ARHGEF40: variants seen among roughly 807,000 people sequenced by gnomAD.
ARHGEF40 encodes the protein Rho guanine nucleotide exchange factor (GEF) 40.
A neutral mutation model predicts 165.9 loss-of-function variants in ARHGEF40; 98 were observed. The observed-to-expected ratio is 0.59, with a 90% CI of 0.50 to 0.70. The LOEUF (loss-of-function observed/expected upper bound fraction) is 0.70, where lower values mean the gene tolerates loss of function less well. Ranked by LOEUF, ARHGEF40 falls within the 30% of genes least tolerant of loss-of-function variation. ARHGEF40 has a pLI of 0.00. For synonymous variants in ARHGEF40, 792 were observed against 814.3 expected, an observed-to-expected ratio of 0.97 and a Z score of 0.47; for missense variants, 1,815 against 1,968.0, an observed-to-expected ratio of 0.92 and a Z score of 1.47.
chr14:21,080,289 G>T lies in ARHGEF40; in HGVS notation c.2374-371G>T, dbSNP rs3827913. Among the ~76,000 whole-genome samples, 27 of 150,740 alleles carry T rather than the reference G, an allele frequency of 1.8e-4. 1 individual carries two copies. The highest frequency in any genetic ancestry group is 4.6e-4 in the Admixed American group (7 of 15,192). On this transcript the variant is annotated intron_variant, in intron 11 of 23. Transcript: ENST00000298694. The stretch of plus-strand genomic sequence containing the variant: ...TTCTCCAGGCTTGGTCCCTGGGACC[G>T]TTTCTCACCAGTTGCCAAGGCTTGG...
chr14:21,070,413 C>A lies in ARHGEF40; in HGVS notation c.3+14C>A. 7.1e-7 allele frequency: 1 copy of A among 1,416,384 alleles called. No individual in the cohort carries two copies. The highest frequency in any genetic ancestry group is 9.1e-7 in the Non-Finnish European group (1 of 1,094,228). The allele number at this position is 1,416,384 out of a possible 1,614,324, so 87.7% of individuals were successfully genotyped here. On this transcript the variant is annotated intron_variant, in intron 1 of 23. Transcript: ENST00000298694. This position sits in a 1 kb window ranked among gnomAD's most constrained non-coding sequence, Gnocchi z 4.7. ...CGCCGAGCCATGGTGAGTCCAGCGT[C>A]GCAGCCCCCTGGGTCCCCTCGGCCT... is the stretch of plus-strand genomic sequence containing the variant.
In ARHGEF40 at chr14:21,074,914, G is replaced by A. The variant is rs780284964; in HGVS notation, c.1184G>A (p.Gly395Glu). The change falls in exon 3 of 24, where the codon GGG becomes GAG. Residue 395 changes from glycine to glutamate, a missense_variant. Transcript: ENST00000298694. The surrounding 1 kb of genome is among the most constrained non-coding windows in gnomAD (Gnocchi z 4.8). Reference protein sequence around the residue: ...AAGRGALSRGGDSAPLSPGDK... With the variant: ...AAGRGALSRGEDSAPLSPGDK... Reference sequence around the variant, plus strand: ...GGTCGAGGGGCTCTTAGCCGAGGAGGGGACAGTGCCCCACTGAGCCCTGGG... The same window carrying A: ...GGTCGAGGGGCTCTTAGCCGAGGAGAGGACAGTGCCCCACTGAGCCCTGGG... 4 of 1,608,080 alleles carry A rather than the reference G, an allele frequency of 2.5e-6. No homozygotes were observed. The highest frequency in any genetic ancestry group is 2.5e-6 in the Non-Finnish European group (3 of 1,177,730).
chr14:21,070,933 G>A lies in ARHGEF40; in HGVS notation c.3+534G>A. On this transcript the variant is annotated intron_variant, in intron 1 of 23. Transcript: ENST00000298694. The surrounding 1 kb of genome is among the most constrained non-coding windows in gnomAD (Gnocchi z 4.7). ...CAGCTGTGGCTGGGCCGGGTCCCGG[G>A]GCATGGCCAAAGAGGGAAATTCCCG... 1 of 1,415,128 alleles carries A rather than the reference G, an allele frequency of 7.1e-7. No individual in the cohort carries two copies. 87.7% of individuals were successfully genotyped at this position (1,415,128 alleles called of 1,614,324 possible).
chr14:21,078,129 C>A, intron 8 of ARHGEF40, 48 bp from the exon 9 acceptor site: 6 of 1,546,712 alleles, frequency 3.9e-6, no homozygotes, highest in Non-Finnish European at 5.3e-6. Flanking sequence ...GGCTTAAGTT[C>A]CTTCTTAAAC....
At chr14:21,064,469 T>C in the ARHGEF40 span, among the ~76,000 whole-genome samples, 12 of 152,104 alleles carry the variant, frequency 7.9e-5, no homozygotes, top group South Asian at 6.2e-4. Context: ...ACCCAGCTAA[T>C]TTTTGTATTT....
At position 21,081,791 on chromosome 14, in the gene ARHGEF40, A is replaced by G; in HGVS notation, c.2923A>G (p.Ser975Gly). 1 of 1,599,262 alleles carries G rather than the reference A, an allele frequency of 6.3e-7. No homozygotes were observed. The highest frequency in any genetic ancestry group is 8.5e-7 in the Non-Finnish European group (1 of 1,174,118). Residue 975 changes from serine to glycine, a missense_variant, in exon 14 of 24, where the codon AGT becomes GGT. Physicochemically the swap from Ser to Gly is moderately conservative, Grantham distance 56 (BLOSUM62 0). Transcript: ENST00000298694. Reference sequence around the variant, plus strand: ...ACGACGGCGGGCAGACGGTGCCAGCAGTGGAGGGGCCCAGTGGGGGCCCCG... The same window carrying G: ...ACGACGGCGGGCAGACGGTGCCAGCGGTGGAGGGGCCCAGTGGGGGCCCCG... ...YRRRRADGASSGGAQWGPRSP... is the reference protein window; with the variant it reads ...YRRRRADGASGGGAQWGPRSP...
chr14:21,074,831 A>C lies in ARHGEF40; in HGVS notation c.1101A>C (p.Gly367=), dbSNP rs1302764621. Reference sequence around the variant, plus strand: ...GAGGAGGAGGCCAGGGGGCTGAAGGACCACCTGGTACCCCTCGGAGAACAG... The same window carrying C: ...GAGGAGGAGGCCAGGGGGCTGAAGGCCCACCTGGTACCCCTCGGAGAACAG... The part of the protein sequence containing the change: ...GGGGGGQGAE[G]PPGTPRRTGK... Residue 367 remains glycine, a synonymous_variant, in exon 3 of 24, where the codon GGA becomes GGC. Transcript: ENST00000298694. This position sits in a 1 kb window ranked among gnomAD's most constrained non-coding sequence, Gnocchi z 4.8. 5 of 1,605,940 alleles carry C rather than the reference A, an allele frequency of 3.1e-6. No individual in the cohort carries two copies. Among genetic ancestry groups the C allele is most frequent in the Non-Finnish European group, 4.2e-6 (5 of 1,176,716 alleles).
At position 21,074,727 on chromosome 14, in the gene ARHGEF40, G is replaced by A. The variant is rs1566523973; in HGVS notation, c.997G>A (p.Val333Met). ...EAVPEAAVLE[V>M]SEPPAEAVGE... ...TGTCCCAGAGGCAGCAGTCTTGGAG[G>A]TGTCTGAGCCCCCAGCAGAGGCTGT... Residue 333 changes from valine (V) to methionine (M), a missense_variant, in exon 3 of 24, where the codon GTG becomes ATG. By Grantham distance (21) the Val-to-Met change is conservative. Coordinates refer to ENST00000298694, the MANE Select transcript of ARHGEF40 (RefSeq NM_018071.5). This position sits in a 1 kb window ranked among gnomAD's most constrained non-coding sequence, Gnocchi z 4.8. The A allele has an allele frequency of 1.9e-6, 3 of 1,603,362 alleles. No homozygotes were observed. The highest frequency in any genetic ancestry group is 2.6e-6 in the Non-Finnish European group (3 of 1,175,860).
At chr14:21,071,906 A>G (rs577367332) in intron 1 of ARHGEF40, among the ~76,000 whole-genome samples, 1 of 152,324 alleles carries the variant, frequency 6.6e-6, no homozygotes, top group Admixed American at 6.5e-5. Flanking sequence ...TGGTTGCCCT[A>G]ACTTCCCAGA....
chr14:21,080,738 C>A lies in ARHGEF40; in HGVS notation c.2452C>A (p.Gln818Lys). The A allele has an allele frequency of 6.2e-7, 1 of 1,611,548 alleles. No homozygotes were observed. Among genetic ancestry groups the A allele is most frequent in the Non-Finnish European group, 8.5e-7 (1 of 1,178,680 alleles). ...AMPGDTLSAL[Q>K]ETELRFRAFS... Reference sequence around the variant, plus strand: ...GCCTGGGGACACCTTGTCTGCCCTGCAGGAGACAGAGCTGCGATTCCGTGC... The same window carrying A: ...GCCTGGGGACACCTTGTCTGCCCTGAAGGAGACAGAGCTGCGATTCCGTGC... Residue 818 changes from glutamine to lysine, a missense_variant, in exon 12 of 24, where the codon CAG becomes AAG. Gln to Lys is a moderately conservative substitution (Grantham distance 53). Coordinates refer to ENST00000298694, the MANE Select transcript of ARHGEF40 (RefSeq NM_018071.5).
chr14:21,076,963 G>A, intron 8 of ARHGEF40, 73 bp downstream of exon 8: 4 of 1,331,406 alleles, frequency 3.0e-6, no homozygotes, highest in Non-Finnish European at 4.3e-6. Context: ...TAGGAGAGAG[G>A]CCATGTCCAG....
At chr14:21,064,029 C>T in the ARHGEF40 span, among the ~76,000 whole-genome samples, 1 of 152,170 alleles carries the variant, frequency 6.6e-6, no homozygotes. Flanking sequence ...CACAATCAAC[C>T]TTTTTAATAT....
At position 21,070,864 on chromosome 14, in the gene ARHGEF40, C is replaced by T. The variant is rs529956571; in HGVS notation, c.3+465C>T. ...CACCATTTTCCATCCCTGTCCCCAA[C>T]CCGGTGAGGCAGGCCCACCCATCCG... On this transcript the variant is annotated intron_variant, in intron 1 of 23. Coordinates refer to ENST00000298694, the MANE Select transcript of ARHGEF40 (RefSeq NM_018071.5). The surrounding 1 kb of genome is among the most constrained non-coding windows in gnomAD (Gnocchi z 4.7). 6.5e-7 allele frequency: 1 copy of T among 1,535,528 alleles called. No homozygotes were observed. The highest frequency in any genetic ancestry group is 1.4e-5 in the African/African-American group (1 of 73,050).
At chr14:21,071,722 C>G (rs1207482509) in intron 1 of ARHGEF40, among the ~76,000 whole-genome samples, 2 of 152,224 alleles carry the variant, frequency 1.3e-5, no homozygotes, top group Admixed American at 6.5e-5. Flanking sequence ...GCTCCGCACT[C>G]CCTGCCTTGG....
chr14:21,073,710 G>C lies in ARHGEF40; in HGVS notation c.202-222G>C, dbSNP rs1887162118. 6.6e-6 allele frequency among the ~76,000 whole-genome samples: 1 copy of C among 152,072 alleles called. No individual in the cohort carries two copies. Among genetic ancestry groups the C allele is most frequent in the Admixed American group, 6.5e-5 (1 of 15,280 alleles). On this transcript the variant is annotated intron_variant, in intron 2 of 23. Transcript: ENST00000298694. The surrounding 1 kb of genome is among the most constrained non-coding windows in gnomAD (Gnocchi z 4.6). ...TTCAGTTCTTACCCTCCCACACATG[G>C]AACTAGCTTCCTGAAGAATCTTCCT...
At chr14:21,082,177 A>G in intron 14 of ARHGEF40, 58 bp downstream of exon 14, 3 of 1,568,692 alleles carry the variant, frequency 1.9e-6, no homozygotes, top group Non-Finnish European at 1.7e-6. Context: ...GTAGGAAAAG[A>G]AGATGACATT....
In ARHGEF40 at chr14:21,088,008, A is replaced by C. The variant is rs2274683; in HGVS notation, c.4428A>C (p.Gly1476=). ...TLDSSGDVSP[G]PRNSPSLQPP... ...ACTCTTCTGGAGATGTGTCCCCAGG[A>C]CCAAGAAACAGCCCCAGCCTGCAAC... Residue 1476 remains glycine (G), a synonymous_variant, in exon 22 of 24, where the codon GGA becomes GGC. Transcript: ENST00000298694. 2 of 1,614,034 alleles carry C rather than the reference A, an allele frequency of 1.2e-6. No homozygotes were observed. The highest frequency in any genetic ancestry group is 1.1e-5 in the South Asian group (1 of 91,080).
Position 21,073,001 on chromosome 14 carries a change from T to G in ARHGEF40, c.4-44T>G. On this transcript the variant is annotated intron_variant, in intron 1 of 23. Transcript: ENST00000298694. The surrounding 1 kb of genome is among the most constrained non-coding windows in gnomAD (Gnocchi z 4.6). Reference sequence around the variant, plus strand: ...CAGTGCAGCTCCCAAGGAGCCATGATTGGGTGATCTCTAGGGATCTGTAGC... The same window carrying G: ...CAGTGCAGCTCCCAAGGAGCCATGAGTGGGTGATCTCTAGGGATCTGTAGC... 1.3e-6 allele frequency: 2 copies of G among 1,579,034 alleles called. No individual in the cohort carries two copies. The highest frequency in any genetic ancestry group is 1.7e-6 in the Non-Finnish European group (2 of 1,152,412).
chr14:21,079,858 G>T (rs1367501038), intron 11 of ARHGEF40, among the ~76,000 whole-genome samples: 1 of 152,076 alleles, frequency 6.6e-6, no homozygotes, highest in African/African-American at 2.4e-5. Context: ...ACAAGATTTG[G>T]AGTCTAACGT....
Sources: allele counts gnomAD v4.1 joint callset (sites outside exome capture counted in the v4.1 genomes callset), GRCh38; gene constraint gnomAD v4.1.1; non-coding constraint Gnocchi (gnomAD v3.1); transcripts MANE v1.5; gene names NCBI Gene and HGNC (gene_info 2026-07-23, HGNC 2026-07-21).